The following PCDH15 variants were observed in gnomAD, a reference collection of about 807,000 sequenced individuals.
PCDH15 encodes the protein protocadherin-15.
In PCDH15, 129 loss-of-function variants were observed where a neutral mutation model predicts 178.5. That is an observed-to-expected ratio of 0.72 (90% confidence interval 0.63 to 0.84). The LOEUF is 0.84. Among genes scored for constraint, PCDH15 ranks in the 40% least tolerant of loss-of-function variants. The pLI, the probability that PCDH15 is intolerant of heterozygous loss-of-function variation, is 0.00. For synonymous variants in PCDH15, 800 were observed against 732.0 expected, an observed-to-expected ratio of 1.09 and a Z score of -1.50; for missense variants, 2,230 against 2,099.9, an observed-to-expected ratio of 1.06 and a Z score of -1.21.
chr10:54,961,408 G>A (rs1838651204), intron 2 of PCDH15, among the ~76,000 whole-genome samples: 1 of 152,202 alleles, frequency 6.6e-6, no homozygotes, highest in Non-Finnish European at 1.5e-5. Flanking sequence ...ATGGTGGCGA[G>A]AGGCAGGTTT....
At chr10:54,081,970 C>G (rs2094442976) in intron 16 of PCDH15, among the ~76,000 whole-genome samples, 1 of 152,058 alleles carries the variant, frequency 6.6e-6, no homozygotes, top group Non-Finnish European at 1.5e-5. Context: ...CAGATGAAGG[C>G]AGAATTTGTT....
At chr10:54,396,069 T>A (rs1310191905) in intron 3 of PCDH15, among the ~76,000 whole-genome samples, 2 of 152,138 alleles carry the variant, frequency 1.3e-5, no homozygotes, top group Non-Finnish European at 1.5e-5. Context: ...AAGGACGATA[T>A]ACATTTACAA....
rs1251050442 is a variant in PCDH15 at position 54,017,491 on chromosome 10, C to CAA, written c.2751+2700_2751+2701insTT. Among the ~76,000 whole-genome samples, 12 of 152,118 alleles carry CAA rather than the reference C, an allele frequency of 7.9e-5. No homozygotes were observed. In the South Asian group the frequency reaches 1.0e-3, roughly 13 times the overall value. ...AATAAAACCATGTCCTTTGCAGTAA[C>CAA]ATAGATAACAGCTTGAGGCCATTAT... On this transcript the variant is annotated intron_variant, in intron 20 of 37. Transcript: ENST00000644397.
At chr10:55,042,661 A>AT (rs1191000508) in intron 2 of PCDH15, among the ~76,000 whole-genome samples, 1 of 152,096 alleles carries the variant, frequency 6.6e-6, no homozygotes, top group South Asian at 2.1e-4. Context: ...AGGGATATAT[A>AT]TATTTTTTAA....
chr10:55,132,973 G>A (rs1336321630), intron 2 of PCDH15, among the ~76,000 whole-genome samples: 1 of 152,148 alleles, frequency 6.6e-6, no homozygotes, highest in Non-Finnish European at 1.5e-5. Context: ...AGTAAAGCAT[G>A]GAAACATTTC....
At chr10:54,516,233 A>G (rs192188854) in intron 3 of PCDH15, among the ~76,000 whole-genome samples, 1 of 152,318 alleles carries the variant, frequency 6.6e-6, no homozygotes, top group Admixed American at 6.5e-5. Flanking sequence ...AGTTGAGAGA[A>G]GAAGGCTTCA....
At chr10:54,805,324 C>G (rs1484660565), upstream of PCDH15, among the ~76,000 whole-genome samples, 1 of 151,974 alleles carries the variant, frequency 6.6e-6, no homozygotes, top group East Asian at 1.9e-4. Context: ...TCAAAATAGC[C>G]TTGCTCATTA....
At chr10:54,159,207 C>G (rs577479148) in intron 13 of PCDH15, among the ~76,000 whole-genome samples, 1 of 152,036 alleles carries the variant, frequency 6.6e-6, no homozygotes, top group Non-Finnish European at 1.5e-5. Context: ...CTCTTGCTTC[C>G]AGTAAAAGTC....
chr10:54,092,771 T>C (rs2094622257), intron 15 of PCDH15, among the ~76,000 whole-genome samples: 1 of 152,174 alleles, frequency 6.6e-6, no homozygotes, highest in Admixed American at 6.5e-5. Flanking sequence ...ATCTGGAGAC[T>C]ATATCTTAAC....
intron 2 of PCDH15, among the ~76,000 whole-genome samples, chr10:55,347,710 T>A (rs1214195751): frequency 6.6e-6 from 1 of 152,186 alleles, no homozygotes; most frequent in African/African-American, 2.4e-5. Context: ...TTGGTGAATT[T>A]CTACACATGA....
intron 28 of PCDH15, among the ~76,000 whole-genome samples, chr10:53,851,671 A>AATATATATATATATAT (rs71004485): frequency 7.7e-5 from 8 of 104,568 alleles, no homozygotes; most frequent in Admixed American, 1.1e-4. Flanking sequence ...TCCTCCTAGA[A>AATATATATATATATAT]ATATATATAT....
At chr10:54,278,951 A>T (rs2058510492) in intron 8 of PCDH15, among the ~76,000 whole-genome samples, 1 of 151,540 alleles carries the variant, frequency 6.6e-6, no homozygotes, top group Non-Finnish European at 1.5e-5. Flanking sequence ...TGTTGTTTCT[A>T]AAAAAGTATA....
At chr10:55,400,946 G>C (rs1294969051) in intron 2 of PCDH15, among the ~76,000 whole-genome samples, 1 of 152,090 alleles carries the variant, frequency 6.6e-6, no homozygotes, top group Admixed American at 6.6e-5. Flanking sequence ...TGGGAGATAA[G>C]ATGGAGTTCT....
At chr10:54,568,895 A>G (rs1367773278) in intron 2 of PCDH15, among the ~76,000 whole-genome samples, 2 of 152,066 alleles carry the variant, frequency 1.3e-5, no homozygotes, top group African/African-American at 4.8e-5. Context: ...AGTAAACCTC[A>G]CAAACCATTT....
At chr10:55,223,011 C>T (rs1840929474) in intron 1 of PCDH15, among the ~76,000 whole-genome samples, 1 of 151,784 alleles carries the variant, frequency 6.6e-6, no homozygotes, top group Non-Finnish European at 1.5e-5. Flanking sequence ...CAGTTTAAAC[C>T]AGCATAGTCC....
intron 2 of PCDH15, among the ~76,000 whole-genome samples, chr10:55,528,146 C>A (rs974831432): frequency 6.6e-6 from 1 of 152,044 alleles, no homozygotes; most frequent in African/African-American, 2.4e-5. Context: ...AAGTGATCCT[C>A]CCATCTTAGC....
At chr10:55,488,797 T>A (rs890911444) in intron 2 of PCDH15, among the ~76,000 whole-genome samples, 8 of 151,506 alleles carry the variant, frequency 5.3e-5, no homozygotes, top group African/African-American at 1.7e-4. Flanking sequence ...AAGTTGCCAA[T>A]GGAGAAATAT....
chr10:55,212,605 C>G (rs745569916), intron 1 of PCDH15, among the ~76,000 whole-genome samples: 1 of 151,998 alleles, frequency 6.6e-6, no homozygotes, highest in African/African-American at 2.4e-5. Flanking sequence ...CTAAACAGAG[C>G]GCATGAACTG....
chr10:55,111,903 C>T (rs1308533592), intron 2 of PCDH15, among the ~76,000 whole-genome samples: 1 of 152,048 alleles, frequency 6.6e-6, no homozygotes, highest in South Asian at 2.1e-4. Context: ...TGCTGTTTCA[C>T]TGTTATCTGT....
Sources: allele counts gnomAD v4.1 joint callset (sites outside exome capture counted in the v4.1 genomes callset), GRCh38; gene constraint gnomAD v4.1.1; transcripts MANE v1.5; gene names NCBI Gene and HGNC (gene_info 2026-07-23, HGNC 2026-07-21).